The following PIEZO1 variants were observed in gnomAD, a reference collection of about 807,000 sequenced individuals.
The protein encoded by PIEZO1 is piezo-type mechanosensitive ion channel component 1.
In PIEZO1, 296 loss-of-function variants were observed where a neutral mutation model predicts 297.2. The observed-to-expected ratio is 1.00, with a 90% CI of 0.91 to 1.10. The LOEUF is 1.10. PIEZO1 is among the 50% of genes least tolerant of loss of function. The pLI is 0.00. For missense variants in PIEZO1, 5,018 were observed against 3,455.5 expected, an observed-to-expected ratio of 1.45 and a Z score of -11.34; for synonymous variants, 2,427 against 1,507.5, an observed-to-expected ratio of 1.61 and a Z score of -14.13.
chr16:88,743,837 G>A (rs544479625), intron 2 of PIEZO1: 5 of 359,202 alleles, frequency 1.4e-5, no homozygotes, highest in Non-Finnish European at 2.8e-5. Flanking sequence ...CTGACCTGCT[G>A]ACCCTGCAGC....
Position 88,716,062 on chromosome 16 carries a change from C to A in PIEZO1, c.7187G>T (p.Gly2396Val). 1 of 1,550,174 alleles carries A rather than the reference C, an allele frequency of 6.5e-7. No individual in the cohort carries two copies. The highest frequency in any genetic ancestry group is 8.7e-7 in the Non-Finnish European group (1 of 1,146,874). ...RIQLRREQGA[G>V]ATGFLEWWVI... ...CCACCATTCGAGGAAGCCGGTGGCC[C>A]CCGCACCCTGCTCCCTCCGCAGCTG... The change falls in exon 50 of 51, where the codon GGG becomes GTG. Residue 2396 changes from glycine to valine, a missense_variant. Gly to Val is a moderately radical substitution (Grantham distance 109). Transcript: ENST00000301015.
intron 29 of PIEZO1, 52 bp downstream of exon 29, chr16:88,725,364 C>T (rs1904346925): frequency 9.0e-7 from 1 of 1,107,024 alleles, no homozygotes; most frequent in Non-Finnish European, 1.3e-6. Flanking sequence ...CGCCAGCAGG[C>T]ACAGACATGC....
intron 1 of PIEZO1, among the ~76,000 whole-genome samples, chr16:88,777,687 G>A (rs973081278): frequency 1.3e-5 from 2 of 152,260 alleles, no homozygotes; most frequent in African/African-American, 4.8e-5. Flanking sequence ...AAGTAAATGA[G>A]GGAGCGAGGG....
chr16:88,726,120 C>G (rs554047067), intron 27 of PIEZO1, 164 bp downstream of exon 27: 1 of 622,238 alleles, frequency 1.6e-6, no homozygotes, highest in African/African-American at 1.8e-5. Flanking sequence ...GTGATGGTGC[C>G]GGGGATCTGC....
chr16:88,748,045 G>A (rs998310888), intron 2 of PIEZO1, among the ~76,000 whole-genome samples: 1 of 152,228 alleles, frequency 6.6e-6, no homozygotes, highest in African/African-American at 2.4e-5. Context: ...CCTCCCAGAA[G>A]GGCGGCACCC....
chr16:88,731,575 A>G, intron 22 of PIEZO1, 131 bp downstream of exon 22: 1 of 667,796 alleles, frequency 1.5e-6, no homozygotes, highest in Non-Finnish European at 2.6e-6. Flanking sequence ...TGTGGAGCAG[A>G]GAGGAGGGAC....
At chr16:88,772,102 C>T (rs532731202) in intron 1 of PIEZO1, among the ~76,000 whole-genome samples, 27 of 151,118 alleles carry the variant, frequency 1.8e-4, no homozygotes, top group African/African-American at 5.6e-4. Context: ...GCCCCAGGCC[C>T]TCCTGAGACT....
chr16:88,732,703 G>T lies in PIEZO1; in HGVS notation c.2694C>A (p.Pro898=). The T allele has an allele frequency of 6.5e-7, 1 of 1,548,980 alleles. No homozygotes were observed. Among genetic ancestry groups the T allele is most frequent in the Non-Finnish European group, 8.7e-7 (1 of 1,146,122 alleles). Residue 898 remains proline, a synonymous_variant, in exon 20 of 51, where the codon CCC becomes CCA. Coordinates refer to ENST00000301015, the MANE Select transcript of PIEZO1 (RefSeq NM_001142864.4). ...EPFPNSTNLL[P]TEISQSLLYR... is the part of the protein sequence containing the mutation. The stretch of plus-strand genomic sequence containing the variant: ...ACAGCAGGGACTGGCTGATCTCCGT[G>T]GGCAGCAAGTTGGTGCTGTTGGGGA...
intron 2 of PIEZO1, among the ~76,000 whole-genome samples, chr16:88,746,983 C>G (rs1009633021): frequency 1.3e-5 from 2 of 152,178 alleles, no homozygotes; most frequent in African/African-American, 4.8e-5. Context: ...GGGGTTTGGG[C>G]CTCGGGCCCC....
At chr16:88,737,177 C>T (rs1480189920) in intron 10 of PIEZO1, 3 of 270,578 alleles carry the variant, frequency 1.1e-5, no homozygotes, top group Non-Finnish European at 2.1e-5. Context: ...CCAGGCCAGC[C>T]CCTGCCCTGG....
At position 88,785,067 on chromosome 16, in the gene PIEZO1, C is replaced by T; in HGVS notation, c.-103G>A. The T allele has an allele frequency of 1.6e-6, 1 of 644,112 alleles. No homozygotes were observed. Among genetic ancestry groups the T allele is most frequent in the Non-Finnish European group, 2.1e-6 (1 of 471,526 alleles). The allele number at this position is 644,112 out of a possible 1,614,324, so 39.9% of individuals were successfully genotyped here. On this transcript the variant is annotated 5_prime_UTR_variant, in exon 1 of 51. Coordinates refer to ENST00000301015, the MANE Select transcript of PIEZO1 (RefSeq NM_001142864.4). Reference sequence around the variant, plus strand: ...GCGCGCCATGGCTGACCCGCGGGGACCCGCGCGCCGCCTTCTCCTCTTCCT... The same window carrying T: ...GCGCGCCATGGCTGACCCGCGGGGATCCGCGCGCCGCCTTCTCCTCTTCCT...
intron 19 of PIEZO1, 151 bp from the exon 20 acceptor site, chr16:88,732,883 G>T: frequency 1.4e-6 from 1 of 738,802 alleles, no homozygotes; most frequent in Non-Finnish European, 2.2e-6. Context: ...CCTTCACGGG[G>T]AAGGGGACCA....
rs1016661568 is a variant in PIEZO1, at chr16:88,722,276, C to T, written c.4897G>A (p.Ala1633Thr). The stretch of plus-strand genomic sequence containing the variant: ...AGTCCCTGGTACAGAGAGGCACCAG[C>T]CTCACGCTCCCCGGGGTCGGTGACT... ...EAVTDPGERE[A>T]GASLYQGLMR... Residue 1633 changes from alanine (A) to threonine (T), a missense_variant, in exon 36 of 51, where the codon GCT becomes ACT. Transcript: ENST00000301015. 7.1e-6 allele frequency: 11 copies of T among 1,548,510 alleles called. No homozygotes were observed. Among genetic ancestry groups the T allele is most frequent in the Non-Finnish European group, 9.6e-6 (11 of 1,146,810 alleles).
At chr16:88,721,081 C>T (rs771992402) in intron 39 of PIEZO1, 85 bp downstream of exon 39, 465 of 1,329,594 alleles carry the variant, frequency 3.5e-4, no homozygotes, top group Non-Finnish European at 4.5e-4. Flanking sequence ...TGGGCTTGGC[C>T]GTCTCATCTG....
Position 88,736,341 on chromosome 16 carries a change from G to A in PIEZO1, c.1364C>T (p.Thr455Met), listed in dbSNP as rs184704952. The A allele has an allele frequency of 1.0e-4, 155 of 1,550,032 alleles. 1 individual carries two copies. In the African/African-American group the frequency reaches 1.0e-3, roughly 10 times the overall value. The change falls in exon 12 of 51, where the codon ACG becomes ATG. Residue 455 changes from threonine (T) to methionine (M), a missense_variant. Thr to Met is a moderately conservative substitution (Grantham distance 81). Transcript: ENST00000301015. Reference protein sequence around the residue: ...VLLLWACLIWTVRSRHQLAML... With the variant: ...VLLLWACLIWMVRSRHQLAML... The stretch of plus-strand genomic sequence containing the variant: ...GGCCAGTTGGTGGCGGCTGCGCACC[G>A]TCCAGATGAGGCAGGCCCAGAGCAG...
chr16:88,715,619 G>C lies in PIEZO1; in HGVS notation c.7552C>G (p.Arg2518Gly). 6.5e-7 allele frequency: 1 copy of C among 1,549,926 alleles called. No homozygotes were observed. Among genetic ancestry groups the C allele is most frequent in the Non-Finnish European group, 8.7e-7 (1 of 1,146,876 alleles). Residue 2518 changes from arginine (R) to glycine (G), a missense_variant, in exon 51 of 51, where the codon CGT becomes GGT. Transcript: ENST00000301015. ...AGCAGCAGCTCCTACTCCTTCTCACGAGTCCACTTGATCATGGTCTCCGGT... is the reference window on the plus strand; with the variant it reads ...AGCAGCAGCTCCTACTCCTTCTCACCAGTCCACTTGATCATGGTCTCCGGT... ...RSPETMIKWTREKE is the reference protein window; with the variant it reads ...RSPETMIKWTGEKE
At chr16:88,775,205 G>T (rs1227812675) in intron 1 of PIEZO1, among the ~76,000 whole-genome samples, 1 of 152,242 alleles carries the variant, frequency 6.6e-6, no homozygotes, top group African/African-American at 2.4e-5. Flanking sequence ...CCTGGAAGGT[G>T]AGCAGGATTG....
intron 1 of PIEZO1, among the ~76,000 whole-genome samples, chr16:88,783,261 C>G (rs1403087920): frequency 6.6e-6 from 1 of 152,200 alleles, no homozygotes. Flanking sequence ...CCACATGTGC[C>G]ACAGAATCGG....
chr16:88,783,889 G>C (rs1374915486), intron 1 of PIEZO1, among the ~76,000 whole-genome samples: 3 of 152,230 alleles, frequency 2.0e-5, no homozygotes, highest in Admixed American at 1.3e-4. Flanking sequence ...CTGGAGCGAG[G>C]CAAGGGCTCC....
Sources: allele counts gnomAD v4.1 joint callset (sites outside exome capture counted in the v4.1 genomes callset), GRCh38; gene constraint gnomAD v4.1.1; transcripts MANE v1.5; gene names NCBI Gene and HGNC (gene_info 2026-07-23, HGNC 2026-07-21).